Variants in DNAH8 observed in about 807,000 individuals in gnomAD.
DNAH8 encodes axonemal beta dynein heavy chain 8.
A neutral mutation model predicts 562.1 loss-of-function variants in DNAH8; 382 were observed. The observed-to-expected ratio is 0.68, with a 90% CI of 0.63 to 0.74. The LOEUF (loss-of-function observed/expected upper bound fraction) is 0.74. Among genes scored for constraint, DNAH8 ranks in the 30% least tolerant of loss-of-function variants. DNAH8 has a pLI of 0.00. For synonymous variants in DNAH8, 1,881 were observed against 1,919.4 expected (o/e 0.98, Z 0.52); for missense variants, 5,203 against 5,620.4 (o/e 0.93, Z 2.37).
intron 85 of DNAH8, among the ~76,000 whole-genome samples, chr6:38,977,356 G>A (rs1468409416): frequency 5.9e-5 from 9 of 152,146 alleles, no homozygotes; most frequent in Admixed American, 3.9e-4. Context: ...CCCTGAGAGG[G>A]GAAGTTACTG....
intron 91 of DNAH8, among the ~76,000 whole-genome samples, chr6:39,021,114 C>T (rs543516703): frequency 2.0e-5 from 3 of 152,202 alleles, no homozygotes; most frequent in South Asian, 2.1e-4. Flanking sequence ...ACAATGGCTG[C>T]GGAGAAATAG....
At chr6:38,850,135 C>T in intron 37 of DNAH8, 116 bp from the exon 38 acceptor site, 1 of 906,686 alleles carries the variant, frequency 1.1e-6, no homozygotes, top group Non-Finnish European at 1.6e-6. Flanking sequence ...TTAAATTATG[C>T]AGCCTGAGAC....
chr6:38,896,574 CAAAA>C (rs909079118), intron 60 of DNAH8, among the ~76,000 whole-genome samples: 30 of 141,270 alleles, frequency 2.1e-4, no homozygotes, highest in African/African-American at 7.1e-4. Flanking sequence ...GACCCTGTCT[CAAAA>C]AAACAAACAA....
chr6:38,771,375 T>G (rs1373219016), intron 12 of DNAH8, among the ~76,000 whole-genome samples: 1 of 151,594 alleles, frequency 6.6e-6, no homozygotes, highest in Non-Finnish European at 1.5e-5. Flanking sequence ...TTAAATTTGT[T>G]TCTTTAACAG....
At chr6:38,752,027 A>G (rs1230950854) in intron 9 of DNAH8, among the ~76,000 whole-genome samples, 1 of 152,196 alleles carries the variant, frequency 6.6e-6, no homozygotes, top group Non-Finnish European at 1.5e-5. Flanking sequence ...GAGTTTGAAC[A>G]TTTCTATGAT....
chr6:38,882,473 T>A (rs1778569922), intron 53 of DNAH8, among the ~76,000 whole-genome samples: 1 of 152,122 alleles, frequency 6.6e-6, no homozygotes, highest in African/African-American at 2.4e-5. Flanking sequence ...GAAAATCAAA[T>A]ACTGCGTATT....
At chr6:38,974,656 C>A in intron 85 of DNAH8, 127 bp downstream of exon 85, 1 of 715,320 alleles carries the variant, frequency 1.4e-6, no homozygotes, top group Non-Finnish European at 2.3e-6. Context: ...TCCTTCATAG[C>A]ACTTTCCCCA....
chr6:39,010,830 T>C (rs1490321325), intron 89 of DNAH8, among the ~76,000 whole-genome samples: 1 of 116,394 alleles, frequency 8.6e-6, no homozygotes, highest in African/African-American at 3.4e-5. Flanking sequence ...CGTATGTATG[T>C]ATGTATGTAT....
intron 1 of DNAH8, among the ~76,000 whole-genome samples, chr6:38,715,958 A>ATTTTTTTTTTTTTTTTTTT (rs1454056787): frequency 3.2e-5 from 1 of 31,048 alleles, no homozygotes; most frequent in African/African-American, 2.2e-4. Flanking sequence ...ATATATATAT[A>ATTTTTTTTTTTTTTTTTTT]TATTTTTTTT....
chr6:38,825,677 T>C (rs1773251519), intron 28 of DNAH8, among the ~76,000 whole-genome samples: 1 of 152,130 alleles, frequency 6.6e-6, no homozygotes, highest in South Asian at 2.1e-4. Context: ...GACAACTGGC[T>C]AGGTCCAGGG....
rs141480622 is a variant in DNAH8, at chr6:39,013,294, A to G, written c.13714+657A>G. On this transcript the variant is annotated intron_variant, in intron 91 of 92. Coordinates refer to ENST00000327475, the MANE Select transcript of DNAH8 (RefSeq NM_001206927.2). ...AGTAATTCTTGGTGAAAATGAAGAA[A>G]TGTTGAATTCCTTATGGTTCAGCAG... is the stretch of plus-strand genomic sequence containing the variant. Among the ~76,000 whole-genome samples the G allele has an allele frequency of 4.6e-3, 701 of 152,350 alleles. 6 individuals are homozygous for G. The highest frequency in any genetic ancestry group is 0.015 in the African/African-American group (643 of 41,586).
intron 18 of DNAH8, among the ~76,000 whole-genome samples, chr6:38,787,403 C>T (rs1769273268): frequency 6.6e-6 from 1 of 151,928 alleles, no homozygotes; most frequent in Non-Finnish European, 1.5e-5. Flanking sequence ...TAAAATCTAA[C>T]AAAATGAAAA....
At chr6:38,968,710 G>A (rs900711578) in intron 82 of DNAH8, among the ~76,000 whole-genome samples, 1 of 152,128 alleles carries the variant, frequency 6.6e-6, no homozygotes, top group Non-Finnish European at 1.5e-5. Context: ...CAGCTGCTTT[G>A]GAAAACAGTC....
chr6:38,802,997 A>G lies in DNAH8; in HGVS notation c.2902-182A>G, dbSNP rs1770913747. Among the ~76,000 whole-genome samples, 7 of 152,256 alleles carry G rather than the reference A, an allele frequency of 4.6e-5. No homozygotes were observed. The South Asian group carries it at 1.5e-3, about 32-fold the overall frequency. ...ATCTTTCTGCTGTTCTTTGGGCCTT[A>G]GCAGCTATGCTTTTAGCCATTGACA... is the stretch of plus-strand genomic sequence containing the variant. On this transcript the variant is annotated intron_variant, in intron 21 of 92. Coordinates refer to ENST00000327475, the MANE Select transcript of DNAH8 (RefSeq NM_001206927.2).
At chr6:38,877,687 C>T (rs1359339000) in intron 53 of DNAH8, among the ~76,000 whole-genome samples, 7 of 152,172 alleles carry the variant, frequency 4.6e-5, no homozygotes, top group Non-Finnish European at 1.0e-4. Context: ...TTCATCCATC[C>T]TTTTAATTTT....
At position 38,951,301 on chromosome 6, in the gene DNAH8, C is replaced by A. The variant is rs748637615; in HGVS notation, c.12249-17C>A. Reference sequence around the variant, plus strand: ...AACACGTTTAGTTTATTTCGCCTAACTTGTATTCATTTTTAGGTCTTGGTG... The same window carrying A: ...AACACGTTTAGTTTATTTCGCCTAAATTGTATTCATTTTTAGGTCTTGGTG... On this transcript the variant is annotated splice_polypyrimidine_tract_variant and intron_variant, in intron 81 of 92. Transcript: ENST00000327475. The A allele has an allele frequency of 6.2e-7, 1 of 1,610,036 alleles. No individual in the cohort carries two copies. Among genetic ancestry groups the A allele is most frequent in the South Asian group, 1.1e-5 (1 of 90,848 alleles).
chr6:38,842,267 G>T, intron 33 of DNAH8, 101 bp from the exon 34 acceptor site: 1 of 900,680 alleles, frequency 1.1e-6, no homozygotes, highest in Non-Finnish European at 1.7e-6. Flanking sequence ...CATTGTACAC[G>T]CAATGTATGA....
intron 4 of DNAH8, among the ~76,000 whole-genome samples, chr6:38,730,625 T>C (rs34593766): frequency 0.051 from 7,794 of 152,276 alleles, 223 homozygotes; most frequent in East Asian, 0.053. Flanking sequence ...CCAGTATCTC[T>C]GTAATCAGAT....
rs771731052 is a variant in DNAH8 at position 38,775,930 on chromosome 6, G to A, written c.1941G>A (p.Met647Ile). The A allele has an allele frequency of 9.3e-6, 15 of 1,611,324 alleles. No homozygotes were observed. The African/African-American group carries it at 1.6e-4, about 17-fold the overall frequency. Residue 647 changes from methionine (M) to isoleucine (I), a missense_variant, in exon 13 of 93, where the codon ATG becomes ATA. Around this residue, in one of 6 missense-constraint regions of DNAH8, gnomAD observed 2,176 missense variants for 2,365.1 expected, o/e 0.92. Transcript: ENST00000327475. ...TEFDTDFLDF[M>I]TKINGLEVQI... ...TTGACACAGATTTCTTAGATTTCATGACAAAAATCAATGGTTTAGAGGTAA... is the reference window on the plus strand; with the variant it reads ...TTGACACAGATTTCTTAGATTTCATAACAAAAATCAATGGTTTAGAGGTAA...
Sources: gnomAD v4.1 joint callset for allele counts (sites outside exome capture counted in the v4.1 genomes callset) on GRCh38, gnomAD v4.1.1 for gene constraint, gnomAD v4.1.1 regional missense constraint, MANE v1.5 for transcripts, NCBI Gene and HGNC (gene_info 2026-07-23, HGNC 2026-07-21) for gene names.